The following PCDHGA3 variants were observed in gnomAD, a reference collection of about 807,000 sequenced individuals.
PCDHGA3 encodes the protein protocadherin gamma-A3.
A neutral mutation model predicts 58.5 loss-of-function variants in PCDHGA3; 40 were observed. That is an observed-to-expected ratio of 0.68 (90% CI 0.53 to 0.89). The LOEUF (loss-of-function observed/expected upper bound fraction) is 0.89. Ranked by LOEUF, PCDHGA3 falls within the 40% of genes least tolerant of loss-of-function variation. PCDHGA3 has a pLI of 0.00. For synonymous variants in PCDHGA3, 530 were observed against 525.7 expected (o/e 1.01, Z -0.11); for missense variants, 1,223 against 1,195.9 (o/e 1.02, Z -0.33).
chr5:141,420,382 C>A, intron 1 of PCDHGA3: 1 of 1,300,530 alleles, frequency 7.7e-7, no homozygotes. Flanking sequence ...ATAGAGTTCG[C>A]AAAATATAGG....
chr5:141,421,239 G>C, intron 1 of PCDHGA3: 1 of 1,599,000 alleles, frequency 6.3e-7, no homozygotes, highest in South Asian at 1.1e-5. Flanking sequence ...TGGCGAATCG[G>C]CTACAGCGCG....
intron 1 of PCDHGA3, among the ~76,000 whole-genome samples, chr5:141,463,618 T>G (rs2099065558): frequency 6.6e-6 from 1 of 151,792 alleles, no homozygotes; most frequent in African/African-American, 2.4e-5. Context: ...CCGGCTAATT[T>G]TTTGTATTTT....
chr5:141,491,823 C>T lies in PCDHGA3; in HGVS notation c.2425-2984C>T, dbSNP rs1242708273. On this transcript the variant is annotated intron_variant, in intron 1 of 3. Transcript: ENST00000253812. The surrounding 1 kb of genome is among the most constrained non-coding windows in gnomAD (Gnocchi z 6.9). ...GCCGGCTTGGTCGCTGGCTGCGCTC[C>T]ACCCGATTCTCGGGATCATTGGACC... The T allele has an allele frequency of 2.7e-6, 4 of 1,479,038 alleles. No homozygotes were observed. Among genetic ancestry groups the T allele is most frequent in the Non-Finnish European group, 3.6e-6 (4 of 1,115,300 alleles). 91.6% of individuals were successfully genotyped at this position (1,479,038 alleles called of 1,614,324 possible).
chr5:141,415,740 G>GTTTTTTTTTTTTTTTT (rs57426385), intron 1 of PCDHGA3: 34 of 625,042 alleles, frequency 5.4e-5, no homozygotes, highest in African/African-American at 2.0e-4. Flanking sequence ...GTTTATTAAG[G>GTTTTTTTTTTTTTTTT]TTTTTTTTTT....
intron 1 of PCDHGA3, chr5:141,422,104 T>C: frequency 6.2e-7 from 1 of 1,607,960 alleles, no homozygotes; most frequent in Non-Finnish European, 8.5e-7. Context: ...TTCTGAAATA[T>C]TCCAATTGGA....
chr5:141,415,686 G>T, intron 1 of PCDHGA3: 2 of 1,535,424 alleles, frequency 1.3e-6, no homozygotes, highest in Middle Eastern at 1.7e-4. Flanking sequence ...GCGGCATGAT[G>T]GTGGAAAGTG....
chr5:141,422,987 A>AG, intron 1 of PCDHGA3: 1 of 1,614,168 alleles, frequency 6.2e-7, no homozygotes. Context: ...GAACCTGGCT[A>AG]CCTGGTGACC....
intron 1 of PCDHGA3, chr5:141,404,640 T>C (rs368593595): frequency 1.6e-5 from 26 of 1,614,092 alleles, no homozygotes; most frequent in East Asian, 2.2e-5. Context: ...CCAGAAATCC[T>C]GTACCCTGCC....
intron 1 of PCDHGA3, chr5:141,350,586 A>C: frequency 6.2e-7 from 1 of 1,614,018 alleles, no homozygotes; most frequent in Admixed American, 1.7e-5. Flanking sequence ...GTCGCTGAAA[A>C]CCCAATGAAT....
chr5:141,409,226 G>A (rs753236012), intron 1 of PCDHGA3: 1 of 1,613,862 alleles, frequency 6.2e-7, no homozygotes, highest in African/African-American at 1.3e-5. Flanking sequence ...TGATGAAAAC[G>A]ACAACAGCCC....
At chr5:141,375,224 C>T in intron 1 of PCDHGA3, 1 of 1,613,976 alleles carries the variant, frequency 6.2e-7, no homozygotes, top group South Asian at 1.1e-5. Context: ...CCTGAATGGC[C>T]TGGTAACCTG....
Position 141,486,277 on chromosome 5 carries a change from G to A in PCDHGA3, c.2425-8530G>A, listed in dbSNP as rs1156704202. 6.2e-7 allele frequency: 1 copy of A among 1,614,020 alleles called. No individual in the cohort carries two copies. The highest frequency in any genetic ancestry group is 1.1e-5 in the South Asian group (1 of 91,056). ...CCGAGAGTGCAGAACCTGGCACTGT[G>A]GTGGCACTTATCAGTGTGCAGGATC... On this transcript the variant is annotated intron_variant, in intron 1 of 3. Transcript: ENST00000253812. The surrounding 1 kb of genome is among the most constrained non-coding windows in gnomAD (Gnocchi z 5.0).
chr5:141,433,255 A>G (rs2097579829), intron 1 of PCDHGA3: 2 of 1,401,470 alleles, frequency 1.4e-6, no homozygotes, highest in South Asian at 1.4e-5. Context: ...ATGCAGCGGT[A>G]CGATCATAGC....
In PCDHGA3 at chr5:141,487,161, T is replaced by C; in HGVS notation, c.2425-7646T>C. Reference sequence around the variant, plus strand: ...CTCTCTACCTCTGTTACTCTCTTAGTGTCCTTAGAGGAAGACACTCATCCA... The same window carrying C: ...CTCTCTACCTCTGTTACTCTCTTAGCGTCCTTAGAGGAAGACACTCATCCA... On this transcript the variant is annotated intron_variant, in intron 1 of 3. Coordinates refer to ENST00000253812, the MANE Select transcript of PCDHGA3 (RefSeq NM_018916.4). This position sits in a 1 kb window ranked among gnomAD's most constrained non-coding sequence, Gnocchi z 5.0. 6.2e-7 allele frequency: 1 copy of C among 1,613,528 alleles called. No homozygotes were observed.
intron 1 of PCDHGA3, chr5:141,374,661 A>G: frequency 6.2e-7 from 1 of 1,611,830 alleles, no homozygotes; most frequent in Non-Finnish European, 8.5e-7. Context: ...AAGTACCCGG[A>G]GCTGGTGCTG....
chr5:141,360,819 C>A (rs1761756453), intron 1 of PCDHGA3: 6 of 1,613,870 alleles, frequency 3.7e-6, no homozygotes. Context: ...CGACCCAAAT[C>A]CGAATCAAAG....
Position 141,345,061 on chromosome 5 carries a change from A to G in PCDHGA3, c.1028A>G (p.Asn343Ser). Residue 343 changes from asparagine to serine, a missense_variant, in exon 1 of 4, where the codon AAT becomes AGT. Transcript: ENST00000253812. ...GTCACGGTTCTGGATGTGAATGACA[A>G]TGCTCCAGAAATTACAATCACGTCT... is the stretch of plus-strand genomic sequence containing the variant. ...ILVTVLDVND[N>S]APEITITSLT... is the part of the protein sequence containing the mutation. 1 of 1,613,974 alleles carries G rather than the reference A, an allele frequency of 6.2e-7. No homozygotes were observed. The highest frequency in any genetic ancestry group is 8.5e-7 in the Non-Finnish European group (1 of 1,179,878).
At chr5:141,444,864 A>G (rs1304165078) in intron 1 of PCDHGA3, among the ~76,000 whole-genome samples, 1 of 152,210 alleles carries the variant, frequency 6.6e-6, no homozygotes, top group African/African-American at 2.4e-5. Context: ...GTCTTACTAC[A>G]GGACAAAGCT....
intron 1 of PCDHGA3, among the ~76,000 whole-genome samples, chr5:141,406,607 C>T (rs1289606470): frequency 6.6e-6 from 1 of 152,202 alleles, no homozygotes; most frequent in Non-Finnish European, 1.5e-5. Flanking sequence ...AAAGTTGTCA[C>T]ATCTTTTATT....
Sources: gnomAD v4.1 joint callset for allele counts (sites outside exome capture counted in the v4.1 genomes callset) on GRCh38, gnomAD v4.1.1 for gene constraint, Gnocchi (gnomAD v3.1) non-coding constraint, MANE v1.5 for transcripts, NCBI Gene and HGNC (gene_info 2026-07-23, HGNC 2026-07-21) for gene names.